Variants in ABCA12 observed in about 807,000 individuals in gnomAD.
ABCA12 encodes the protein glucosylceramide transporter ABCA12.
ABCA12 carries 156 observed loss-of-function variants against 293.5 expected under a neutral mutation model. The ratio of observed to expected loss-of-function variants is 0.53; its 90% CI spans 0.47 to 0.61. The LOEUF (loss-of-function observed/expected upper bound fraction) is 0.61. ABCA12 is among the 20% of genes least tolerant of loss of function. ABCA12 has a pLI of 0.00. For synonymous variants in ABCA12, 1,063 were observed against 1,108.0 expected (o/e 0.96, Z 0.81); for missense variants, 2,797 against 3,090.2 (o/e 0.91, Z 2.25).
chr2:215,090,108 C>CT (rs1702112421), intron 2 of ABCA12, among the ~76,000 whole-genome samples: 1 of 152,190 alleles, frequency 6.6e-6, no homozygotes, highest in Non-Finnish European at 1.5e-5. Flanking sequence ...CTTGTGACCC[C>CT]TGCCCCTGCC....
intron 3 of ABCA12, 97 bp from the exon 4 acceptor site, chr2:215,054,761 T>C (rs1701387934): frequency 3.3e-6 from 3 of 902,496 alleles, no homozygotes; most frequent in Non-Finnish European, 3.7e-6. Context: ...TCTGAGGACT[T>C]TCAAATATTT....
At chr2:215,068,577 C>T (rs1478745712) in intron 2 of ABCA12, among the ~76,000 whole-genome samples, 1 of 151,822 alleles carries the variant, frequency 6.6e-6, no homozygotes, top group Non-Finnish European at 1.5e-5. Flanking sequence ...TTCACTTTCT[C>T]CCCCATCCTT....
At chr2:215,088,892 G>T (rs1258429326) in intron 2 of ABCA12, among the ~76,000 whole-genome samples, 3 of 151,972 alleles carry the variant, frequency 2.0e-5, no homozygotes, top group Non-Finnish European at 4.4e-5. Flanking sequence ...AATTTTTTTT[G>T]AAACTTTATT....
chr2:215,038,955 C>T lies in ABCA12; in HGVS notation c.873-1890G>A, dbSNP rs117343576. On this transcript the variant is annotated intron_variant, in intron 7 of 52. Transcript: ENST00000272895. ...TTTTACTTCATAGATTATTTTTCTT[C>T]TCTTCATCATATAAAAATGGAAATT... 224 of 152,236 alleles carry T rather than the reference C, an allele frequency of 1.5e-3. 5 individuals carry two copies. In the East Asian group the frequency reaches 0.037, roughly 25 times the overall value. The allele number at this position is 152,236 out of a possible 1,614,324, so 9.4% of individuals were successfully genotyped here. A position where few individuals can be genotyped will look rare whatever the true frequency, so the allele number is the denominator to read the frequency against.
In ABCA12 at chr2:215,056,259, C is replaced by T. The variant is rs189604860; in HGVS notation, c.318-1595G>A. Reference sequence around the variant, plus strand: ...AGAAGCAAAAGCTGCATCTGCTCCACGGAGGACACTTTACTCATCTTCCCA... The same window carrying T: ...AGAAGCAAAAGCTGCATCTGCTCCATGGAGGACACTTTACTCATCTTCCCA... On this transcript the variant is annotated intron_variant, in intron 3 of 52. Transcript: ENST00000272895. Among the ~76,000 whole-genome samples, 4 of 152,044 alleles carry T rather than the reference C, an allele frequency of 2.6e-5. No homozygotes were observed. In the East Asian group the frequency reaches 7.7e-4, roughly 29 times the overall value.
chr2:214,994,713 C>T (rs1416563430), intron 23 of ABCA12, among the ~76,000 whole-genome samples: 4 of 152,022 alleles, frequency 2.6e-5, no homozygotes, highest in African/African-American at 9.7e-5. Context: ...ATTTCAAATT[C>T]CCACTGGTGG....
At chr2:215,120,226 G>A (rs886526906) in intron 1 of ABCA12, among the ~76,000 whole-genome samples, 7 of 152,082 alleles carry the variant, frequency 4.6e-5, no homozygotes, top group South Asian at 4.1e-4. Flanking sequence ...AACATTGAGC[G>A]CTTATGGACA....
chr2:215,132,066 G>T (rs1703071130), intron 1 of ABCA12, among the ~76,000 whole-genome samples: 1 of 151,772 alleles, frequency 6.6e-6, no homozygotes, highest in South Asian at 2.1e-4. Context: ...CCTTAGTATT[G>T]ATTTCCAATC....
Position 215,026,877 on chromosome 2 carries a change from T to C in ABCA12, c.1123A>G (p.Ile375Val), listed in dbSNP as rs1700757386. 6.2e-7 allele frequency: 1 copy of C among 1,613,798 alleles called. No homozygotes were observed. Among genetic ancestry groups the C allele is most frequent in the African/African-American group, 1.3e-5 (1 of 75,048 alleles). Residue 375 changes from isoleucine to valine, a missense_variant, in exon 10 of 53, where the codon ATT (isoleucine) becomes GTT (valine). Ile to Val is a conservative substitution (Grantham distance 29). Around this residue, in one of 3 missense-constraint regions of ABCA12, gnomAD observed 656 missense variants for 638.2 expected, o/e 1.03. Transcript: ENST00000272895. The part of the protein sequence containing the change: ...LLNISANSPY[I>V]PYLACVRNVT... The stretch of plus-strand genomic sequence containing the variant: ...TTTCTCACACATGCCAAGTAAGGAA[T>C]ATAAGGACTATTTGCTGATATATTT...
chr2:215,084,324 G>C (rs959506592), intron 2 of ABCA12, among the ~76,000 whole-genome samples: 3 of 130,620 alleles, frequency 2.3e-5, no homozygotes, highest in Non-Finnish European at 4.8e-5. Flanking sequence ...TCAGCTTACA[G>C]ACTGCATTAT....
At chr2:215,118,941 T>G (rs1286480816) in intron 1 of ABCA12, among the ~76,000 whole-genome samples, 1 of 152,172 alleles carries the variant, frequency 6.6e-6, no homozygotes, top group Non-Finnish European at 1.5e-5. Flanking sequence ...GAATATTTTC[T>G]CCCATTCTTT....
Position 214,932,415 on chromosome 2 carries a change from T to G in ABCA12, c.*219A>C. 1.8e-6 allele frequency: 1 copy of G among 555,148 alleles called. No individual in the cohort carries two copies. Among genetic ancestry groups the G allele is most frequent in the Non-Finnish European group, 3.2e-6 (1 of 309,772 alleles). The allele number at this position is 555,148 out of a possible 1,614,324, so 34.4% of individuals were successfully genotyped here. A position where few individuals can be genotyped will look rare whatever the true frequency, so the allele number is the denominator to read the frequency against. ...ATATACATTAGCATGCTCACAGTGT[T>G]GAGTATACAGGAATTCATTTCAGTA... is the stretch of plus-strand genomic sequence containing the variant. On this transcript the variant is annotated 3_prime_UTR_variant, in exon 53 of 53. Transcript: ENST00000272895.
intron 50 of ABCA12, among the ~76,000 whole-genome samples, chr2:214,941,950 G>A (rs747989162): frequency 8.6e-5 from 13 of 152,032 alleles, no homozygotes; most frequent in East Asian, 1.9e-4. Flanking sequence ...CATTTAGCCC[G>A]TTTACATTTA....
rs1225638445 is a variant in ABCA12, at chr2:214,990,862, C to T, written c.3464G>A (p.Ser1155Asn). The change falls in exon 24 of 53, where the codon AGC becomes AAC. Residue 1155 changes from serine (S) to asparagine (N), a missense_variant. By Grantham distance (46) the Ser-to-Asn change is conservative. Coordinates refer to ENST00000272895, the MANE Select transcript of ABCA12 (RefSeq NM_173076.3). Reference protein sequence around the residue: ...FILFLYFSDYSFSVIAMSYLI... With the variant: ...FILFLYFSDYNFSVIAMSYLI... ...ATAGCTCATGGCAATAACCGAGAAGCTGTAGTCCGAAAAATACAGGAACAA... is the reference window on the plus strand; with the variant it reads ...ATAGCTCATGGCAATAACCGAGAAGTTGTAGTCCGAAAAATACAGGAACAA... The T allele has an allele frequency of 6.2e-7, 1 of 1,613,916 alleles. No individual in the cohort carries two copies. Among genetic ancestry groups the T allele is most frequent in the Non-Finnish European group, 8.5e-7 (1 of 1,179,980 alleles).
chr2:214,951,109 G>A (rs760766917), intron 44 of ABCA12, 26 bp from the exon 45 acceptor site: 32 of 1,593,754 alleles, frequency 2.0e-5, no homozygotes, highest in East Asian at 4.5e-5. Flanking sequence ...GTGATTTTAC[G>A]TCAATGATTT....
In ABCA12 at chr2:215,019,743, ACT is replaced by A; in HGVS notation, c.1339_1340del (p.Ser447PhefsTer10). ...AGAGCTGGCATGACTTCTCTATCAA[ACT>A]GAAAGTTTCAGATTCACAAAGAAGT... ...TELLCESETFSLIEKSCQLSD... is the reference protein window; with the variant it reads ...TELLCESETFXLIEKSCQLSD... On this transcript the variant is annotated frameshift_variant, in exon 12 of 53. Coordinates refer to ENST00000272895, the MANE Select transcript of ABCA12 (RefSeq NM_173076.3). LOFTEE classifies it high-confidence loss of function. 1 of 1,614,094 alleles carries A rather than the reference ACT, an allele frequency of 6.2e-7. No homozygotes were observed. The highest frequency in any genetic ancestry group is 1.1e-5 in the South Asian group (1 of 91,084).
rs1392314453 is a variant in ABCA12 at position 215,129,886 on chromosome 2, T to C, written c.69+8254A>G. ...GTCTTATGTTTAGGTCTTTAATCCA[T>C]CTTGAGTTAATTTTTGTATGTGATG... On this transcript the variant is annotated intron_variant, in intron 1 of 52. Transcript: ENST00000272895. 2.0e-5 allele frequency among the ~76,000 whole-genome samples: 3 copies of C among 152,208 alleles called. No individual in the cohort carries two copies. The East Asian group carries it at 5.8e-4, about 29-fold the overall frequency.
chr2:215,133,766 G>A (rs1025005089), intron 1 of ABCA12, among the ~76,000 whole-genome samples: 2 of 151,934 alleles, frequency 1.3e-5, no homozygotes, highest in Non-Finnish European at 2.9e-5. Context: ...TATTACCACA[G>A]ATATTAAAAA....
intron 2 of ABCA12, chr2:215,075,449 A>C: frequency 1.6e-6 from 1 of 626,562 alleles, no homozygotes; most frequent in East Asian, 2.8e-5. Context: ...TAGTGAGTGA[A>C]GGTTCAGACA....
Sources: gnomAD v4.1 joint callset for allele counts (sites outside exome capture counted in the v4.1 genomes callset) on GRCh38, gnomAD v4.1.1 for gene constraint, gnomAD v4.1.1 regional missense constraint, MANE v1.5 for transcripts, NCBI Gene and HGNC (gene_info 2026-07-23, HGNC 2026-07-21) for gene names.